MYSM1: variants seen among roughly 807,000 people sequenced by gnomAD.
MYSM1 encodes the protein deubiquitinase MYSM1.
A neutral mutation model predicts 116.0 loss-of-function variants in MYSM1; 51 were observed. That is an observed-to-expected ratio of 0.44 (90% CI 0.35 to 0.56). The LOEUF (loss-of-function observed/expected upper bound fraction) is 0.56. Ranked by LOEUF, MYSM1 falls within the 20% of genes least tolerant of loss-of-function variation. The pLI is 0.00. For synonymous variants in MYSM1, 313 were observed against 315.2 expected, an observed-to-expected ratio of 0.99 and a Z score of 0.07; for missense variants, 900 against 974.9, an observed-to-expected ratio of 0.92 and a Z score of 1.02.
rs1644569993 is a variant in MYSM1, at chr1:58,672,069, T to C, written c.1573-111A>G. Reference sequence around the variant, plus strand: ...CATGTGAGGACAAGAGAGACTAAATTGATATAGATGGGCTTCCTTTTTGCT... The same window carrying C: ...CATGTGAGGACAAGAGAGACTAAATCGATATAGATGGGCTTCCTTTTTGCT... On this transcript the variant is annotated intron_variant, in intron 11 of 19. Transcript: ENST00000472487. 3 of 753,520 alleles carry C rather than the reference T, an allele frequency of 4.0e-6. No homozygotes were observed. The South Asian group carries it at 5.3e-5, about 13-fold the overall frequency. The allele number at this position is 753,520 out of a possible 1,614,324, so 46.7% of individuals were successfully genotyped here.
intron 7 of MYSM1, among the ~76,000 whole-genome samples, chr1:58,683,903 T>C (rs1476518959): frequency 6.6e-6 from 1 of 152,222 alleles, no homozygotes; most frequent in Non-Finnish European, 1.5e-5. Flanking sequence ...TACTAGTCTC[T>C]GTTACAATAT....
At chr1:58,666,226 T>C (rs562718848) in intron 16 of MYSM1, among the ~76,000 whole-genome samples, 2 of 152,332 alleles carry the variant, frequency 1.3e-5, no homozygotes, top group South Asian at 2.1e-4. Flanking sequence ...TATTTACTAA[T>C]TGTATTCACC....
chr1:58,667,837 G>C lies in MYSM1; in HGVS notation c.1842+10C>G, dbSNP rs1376180655. 4 of 1,548,202 alleles carry C rather than the reference G, an allele frequency of 2.6e-6. No homozygotes were observed. Reference sequence around the variant, plus strand: ...ATAACTAAAACATTTTTTTAAAAGAGAGAACTTACTTCAACTACTTTATCA... The same window carrying C: ...ATAACTAAAACATTTTTTTAAAAGACAGAACTTACTTCAACTACTTTATCA... On this transcript the variant is annotated intron_variant, in intron 15 of 19. Coordinates refer to ENST00000472487, the MANE Select transcript of MYSM1 (RefSeq NM_001085487.3).
rs554896996 is a variant in MYSM1 at position 58,669,047 on chromosome 1, G to GA, written c.1662-10dup. 1.7e-5 allele frequency: 27 copies of GA among 1,569,504 alleles called. No individual in the cohort carries two copies. Among genetic ancestry groups the GA allele is most frequent in the Admixed American group, 4.1e-5 (2 of 49,164 alleles). Reference sequence around the variant, plus strand: ...GGAAGGGATCAAACGAGCTGAAAAAGAAAAAAAATTTTCAATACAATCTCA... The same window carrying GA: ...GGAAGGGATCAAACGAGCTGAAAAAGAAAAAAAAATTTTCAATACAATCTCA... On this transcript the variant is annotated splice_polypyrimidine_tract_variant and intron_variant, in intron 12 of 19. Transcript: ENST00000472487.
intron 18 of MYSM1, 56 bp downstream of exon 18, chr1:58,661,350 C>T (rs1325309937): frequency 7.3e-7 from 1 of 1,371,168 alleles, no homozygotes; most frequent in Non-Finnish European, 1.0e-6. Flanking sequence ...TTCTCTGAAA[C>T]ATAATTTAAT....
intron 16 of MYSM1, among the ~76,000 whole-genome samples, chr1:58,666,426 C>G (rs1644470073): frequency 6.6e-6 from 1 of 151,948 alleles, no homozygotes; most frequent in African/African-American, 2.4e-5. Context: ...TTTAAAGGCT[C>G]TGGGAGTATT....
chr1:58,673,225 T>C (rs545879989), intron 11 of MYSM1, among the ~76,000 whole-genome samples: 1 of 152,368 alleles, frequency 6.6e-6, no homozygotes, highest in East Asian at 1.9e-4. Context: ...GTGTGTCTAA[T>C]GTCTAATGCT....
chr1:58,675,335 G>A (rs1409376104), intron 10 of MYSM1, 142 bp downstream of exon 10: 12 of 594,990 alleles, frequency 2.0e-5, no homozygotes, highest in East Asian at 8.5e-5. Context: ...CCAGAAAAGC[G>A]AATTGCTAAG....
At chr1:58,697,565 A>G (rs1644993522) in intron 1 of MYSM1, among the ~76,000 whole-genome samples, 1 of 152,044 alleles carries the variant, frequency 6.6e-6, no homozygotes, top group African/African-American at 2.4e-5. Flanking sequence ...ACAGAATGGT[A>G]GAAGTAGAAG....
intron 18 of MYSM1, 30 bp downstream of exon 18, chr1:58,661,376 T>A (rs945702520): frequency 1.5e-5 from 21 of 1,389,304 alleles, no homozygotes; most frequent in Non-Finnish European, 1.9e-5. Flanking sequence ...ACACTGCAGA[T>A]GTGCAACCAT....
chr1:58,690,743 ATTC>A (rs1429660648), intron 3 of MYSM1, among the ~76,000 whole-genome samples: 2 of 151,170 alleles, frequency 1.3e-5, no homozygotes, highest in Non-Finnish European at 2.9e-5. Context: ...GCCCAAGAAA[ATTC>A]TTCTTCCAGT....
intron 2 of MYSM1, among the ~76,000 whole-genome samples, chr1:58,693,214 C>A (rs1644926938): frequency 6.6e-6 from 1 of 152,126 alleles, no homozygotes; most frequent in Admixed American, 6.5e-5. Context: ...AGGTAATAAT[C>A]GCCATTCAAA....
intron 6 of MYSM1, among the ~76,000 whole-genome samples, chr1:58,686,570 A>G (rs1644830554): frequency 6.6e-6 from 1 of 152,248 alleles, no homozygotes; most frequent in Non-Finnish European, 1.5e-5. Context: ...TACTCATTAG[A>G]AAATATGACA....
In MYSM1 at chr1:58,656,993, G is replaced by T. The variant is rs1224786248; in HGVS notation, c.*3004C>A. 1 of 152,034 alleles carries T rather than the reference G, an allele frequency of 6.6e-6. No individual in the cohort carries two copies. Among genetic ancestry groups the T allele is most frequent in the Non-Finnish European group, 1.5e-5 (1 of 68,004 alleles). The allele number at this position is 152,034 out of a possible 1,614,324, so 9.4% of individuals were successfully genotyped here. On this transcript the variant is annotated 3_prime_UTR_variant, in exon 20 of 20. Coordinates refer to ENST00000472487, the MANE Select transcript of MYSM1 (RefSeq NM_001085487.3). Reference sequence around the variant, plus strand: ...TGGCAAAACTATCTAGGGCCCACAAGAATCATAATGCAGCTCTGAATACAG... The same window carrying T: ...TGGCAAAACTATCTAGGGCCCACAATAATCATAATGCAGCTCTGAATACAG...
chr1:58,667,447 GGTTA>G (rs1644491247), intron 15 of MYSM1, among the ~76,000 whole-genome samples: 1 of 152,180 alleles, frequency 6.6e-6, no homozygotes, highest in Non-Finnish European at 1.5e-5. Flanking sequence ...TCATAATAAT[GGTTA>G]GTTTTCCAGG....
intron 1 of MYSM1, among the ~76,000 whole-genome samples, chr1:58,698,315 T>C (rs539665722): frequency 4.7e-4 from 70 of 150,450 alleles, no homozygotes; most frequent in African/African-American, 1.7e-3. Flanking sequence ...TTAGCCAGGA[T>C]GGTCTCGATC....
At chr1:58,686,999 A>C in intron 6 of MYSM1, among the ~76,000 whole-genome samples, 1 of 152,080 alleles carries the variant, frequency 6.6e-6, no homozygotes, top group South Asian at 2.1e-4. Flanking sequence ...AAAGGAGCAA[A>C]GAAAATATTC....
At chr1:58,675,622 G>C in intron 9 of MYSM1, 42 bp from the exon 10 acceptor site, 1 of 1,506,710 alleles carries the variant, frequency 6.6e-7, no homozygotes. Flanking sequence ...ATTATTTTGT[G>C]AAACTCATTT....
chr1:58,687,316 C>T (rs936975935), intron 6 of MYSM1, among the ~76,000 whole-genome samples: 2 of 152,244 alleles, frequency 1.3e-5, no homozygotes, highest in African/African-American at 4.8e-5. Context: ...GAAGAAAACA[C>T]AAAGAAGACA....
Sources: gnomAD v4.1 joint callset for allele counts (sites outside exome capture counted in the v4.1 genomes callset) on GRCh38, gnomAD v4.1.1 for gene constraint, MANE v1.5 for transcripts, NCBI Gene and HGNC (gene_info 2026-07-23, HGNC 2026-07-21) for gene names.